Variants in RPL9 observed in about 807,000 individuals in gnomAD.
The protein encoded by RPL9 is large ribosomal subunit protein uL6.
For missense variants in RPL9, 149 were observed against 236.7 expected, an observed-to-expected ratio of 0.63 and a Z score of 2.43; for synonymous variants, 82 against 77.1, an observed-to-expected ratio of 1.06 and a Z score of -0.33.
intron 4 of RPL9, 153 bp downstream of exon 4, chr4:39,457,433 A>G (rs1744146279): frequency 1.6e-6 from 1 of 631,646 alleles, no homozygotes; most frequent in African/African-American, 1.8e-5. Flanking sequence ...CTATCGCTTA[A>G]AGACCCACAG....
At chr4:39,457,363 A>AAC (rs1553933091) in intron 4 of RPL9, 20 of 410,574 alleles carry the variant, frequency 4.9e-5, no homozygotes, top group South Asian at 1.4e-4. Context: ...TAAAAAAAAA[A>AAC]AAAACCCAAC....
chr4:39,458,290 T>A lies in RPL9; in HGVS notation c.66A>T (p.Gly22=). 8 of 1,614,082 alleles carry A rather than the reference T, an allele frequency of 5.0e-6. No homozygotes were observed. The highest frequency in any genetic ancestry group is 6.8e-6 in the Non-Finnish European group (8 of 1,180,006). ...IPENVDITLK[G]RTVIVKGPRG... is the part of the protein sequence containing the mutation. ...TGGGGCCCTTCACGATAACTGTGCG[T>A]CCCTTCAGAGTAATGTCGACTAGAA... The change falls in exon 3 of 8, where the codon GGA becomes GGT. Residue 22 remains glycine, a synonymous_variant. Coordinates refer to ENST00000295955, the MANE Select transcript of RPL9 (RefSeq NM_000661.5).
intron 7 of RPL9, 61 bp from the exon 8 acceptor site, chr4:39,454,286 A>C (rs1744001639): frequency 6.4e-6 from 2 of 313,140 alleles, no homozygotes; most frequent in Admixed American, 9.1e-5. Context: ...GGAAAGTACT[A>C]ATCTTTTTTC....
intron 3 of RPL9, 149 bp downstream of exon 3, chr4:39,458,045 A>G: frequency 2.4e-6 from 2 of 837,092 alleles, no homozygotes; most frequent in South Asian, 2.9e-5. Context: ...TGGTTTTTCA[A>G]TTTCACTGAA....
chr4:39,458,505 C>A lies in RPL9; in HGVS notation c.-1-65G>T. ...CGTTTTTCCACCAAACTACGCCGCACAGAGCTCCACTCCTACTGGAGACTG... is the reference window on the plus strand; with the variant it reads ...CGTTTTTCCACCAAACTACGCCGCAAAGAGCTCCACTCCTACTGGAGACTG... On this transcript the variant is annotated intron_variant, in intron 1 of 7. Transcript: ENST00000295955. 2.6e-6 allele frequency: 4 copies of A among 1,534,324 alleles called. No individual in the cohort carries two copies. The South Asian group carries it at 3.4e-5, about 13-fold the overall frequency.
Position 39,458,241 on chromosome 4 carries a change from T to C in RPL9, c.115A>G (p.Asn39Asp), listed in dbSNP as rs1259696064. ...AGGCTGAGTTCTACATTGATGTGAT[T>C]GAAGTCCCTCCGCAGGGTTCCTCTG... ...GPRGTLRRDF[N>D]HINVELSLLG... Residue 39 changes from asparagine to aspartate, a missense_variant, in exon 3 of 8, where the codon AAT becomes GAT. By Grantham distance (23) the Asn-to-Asp change is conservative. Transcript: ENST00000295955. 6.2e-7 allele frequency: 1 copy of C among 1,614,188 alleles called. No individual in the cohort carries two copies. Among genetic ancestry groups the C allele is most frequent in the Non-Finnish European group, 8.5e-7 (1 of 1,180,032 alleles).
At chr4:39,456,571 T>G (rs1038394578) in intron 4 of RPL9, 33 bp from the exon 5 acceptor site, 2 of 1,602,668 alleles carry the variant, frequency 1.2e-6, no homozygotes, top group Non-Finnish European at 1.7e-6. Context: ...CTATTAGCAA[T>G]GCTGAGGAAT....
At chr4:39,458,103 T>G in intron 3 of RPL9, 91 bp downstream of exon 3, 1 of 1,275,038 alleles carries the variant, frequency 7.8e-7, no homozygotes, top group South Asian at 1.3e-5. Context: ...GCACTGAACC[T>G]TAATTCGAAA....
chr4:39,457,353 TA>T (rs60817258), intron 4 of RPL9: 7,868 of 300,410 alleles, frequency 0.026, 44 homozygotes, highest in African/African-American at 0.051. Context: ...CAGCCTTGAT[TA>T]AAAAAAAAAA....
intron 4 of RPL9, 22 bp downstream of exon 4, chr4:39,457,564 G>A (rs1303564339): frequency 1.9e-6 from 3 of 1,589,460 alleles, no homozygotes; most frequent in South Asian, 1.1e-5. Context: ...CCAAAACAAG[G>A]AAGTCTGATA....
Position 39,458,266 on chromosome 4 carries a change from G to A in RPL9, c.90C>T (p.Pro30=). The A allele has an allele frequency of 3.1e-6, 5 of 1,614,136 alleles. No homozygotes were observed. Among genetic ancestry groups the A allele is most frequent in the Non-Finnish European group, 4.2e-6 (5 of 1,180,022 alleles). The change falls in exon 3 of 8, where the codon CCC becomes CCT. Residue 30 remains proline (P), a synonymous_variant. Coordinates refer to ENST00000295955, the MANE Select transcript of RPL9 (RefSeq NM_000661.5). ...LKGRTVIVKG[P]RGTLRRDFNH... ...TGAAGTCCCTCCGCAGGGTTCCTCT[G>A]GGGCCCTTCACGATAACTGTGCGTC... is the stretch of plus-strand genomic sequence containing the variant.
intron 5 of RPL9, 28 bp downstream of exon 5, chr4:39,456,378 T>C (rs1384884706): frequency 1.9e-6 from 3 of 1,613,830 alleles, no homozygotes; most frequent in South Asian, 2.2e-5. Flanking sequence ...GAAAAATTTC[T>C]TAATTCTGTC....
In RPL9 at chr4:39,455,130, A is replaced by G. The variant is rs1744035623; in HGVS notation, c.392-186T>C. ...TTTGGGAGGCCGAGGCGGGCGGATC[A>G]TGAGGTCAGGAGATCGAAACCATCC... On this transcript the variant is annotated intron_variant, in intron 5 of 7. Coordinates refer to ENST00000295955, the MANE Select transcript of RPL9 (RefSeq NM_000661.5). The G allele has an allele frequency of 1.1e-5, 6 of 550,742 alleles. 1 individual carries two copies. Among genetic ancestry groups the G allele is most frequent in the South Asian group, 8.9e-5 (4 of 45,136 alleles). The allele number at this position is 550,742 out of a possible 1,614,324, so 34.1% of individuals were successfully genotyped here. A position where few individuals can be genotyped will look rare whatever the true frequency, so the allele number is the denominator to read the frequency against.
chr4:39,454,625 G>C lies in RPL9; in HGVS notation c.497C>G (p.Thr166Arg). Residue 166 changes from threonine to arginine, a missense_variant, in exon 7 of 8, where the codon ACA becomes AGA. Thr to Arg is a moderately conservative substitution (Grantham distance 71, BLOSUM62 -1). Coordinates refer to ENST00000295955, the MANE Select transcript of RPL9 (RefSeq NM_000661.5). ...TTTCCTGATATCCTTGTTTTTAACTGTTGTGGCTTGCTGAATCAAAGCCGC... is the reference window on the plus strand; with the variant it reads ...TTTCCTGATATCCTTGTTTTTAACTCTTGTGGCTTGCTGAATCAAAGCCGC... ...NSAALIQQAT[T>R]VKNKDIRKFL... 1 of 1,612,836 alleles carries C rather than the reference G, an allele frequency of 6.2e-7. No homozygotes were observed. The highest frequency in any genetic ancestry group is 8.5e-7 in the Non-Finnish European group (1 of 1,179,514).
rs1429996864 is a variant in RPL9 at position 39,454,615 on chromosome 4, G to A, written c.507C>T (p.Asn169=). 1.2e-6 allele frequency: 2 copies of A among 1,613,218 alleles called. No homozygotes were observed. Among genetic ancestry groups the A allele is most frequent in the Non-Finnish European group, 1.7e-6 (2 of 1,179,646 alleles). ...CATCCAAAAATTTCCTGATATCCTT[G>A]TTTTTAACTGTTGTGGCTTGCTGAA... is the stretch of plus-strand genomic sequence containing the variant. ...ALIQQATTVK[N]KDIRKFLDGI... is the part of the protein sequence containing the mutation. The change falls in exon 7 of 8, where the codon AAC becomes AAT. Residue 169 remains asparagine (N), a synonymous_variant. Coordinates refer to ENST00000295955, the MANE Select transcript of RPL9 (RefSeq NM_000661.5).
chr4:39,455,852 T>A, intron 5 of RPL9: 1 of 179,322 alleles, frequency 5.6e-6, no homozygotes, highest in Non-Finnish European at 1.2e-5. Context: ...TTTTTCAACT[T>A]TAACTCATTT....
At chr4:39,458,532 C>G (rs1418829252) in intron 1 of RPL9, 92 bp from the exon 2 acceptor site, 3 of 1,379,360 alleles carry the variant, frequency 2.2e-6, no homozygotes, top group South Asian at 1.3e-5. Flanking sequence ...TGGAGACTGC[C>G]AGGCGGAAGT....
intron 1 of RPL9, 115 bp from the exon 2 acceptor site, chr4:39,458,555 G>A (rs1744230342): frequency 8.8e-7 from 1 of 1,132,130 alleles, no homozygotes; most frequent in African/African-American, 1.6e-5. Flanking sequence ...CAGACAAGAT[G>A]TCGGAGGACG....
chr4:39,456,390 G>A lies in RPL9; in HGVS notation c.391+16C>T. On this transcript the variant is annotated intron_variant, in intron 5 of 7. Coordinates refer to ENST00000295955, the MANE Select transcript of RPL9 (RefSeq NM_000661.5). Reference sequence around the variant, plus strand: ...AAGGAAAAATTTCTTAATTCTGTCTGAGGGTATGCACATACCTGGTCTCAT... The same window carrying A: ...AAGGAAAAATTTCTTAATTCTGTCTAAGGGTATGCACATACCTGGTCTCAT... 6.2e-7 allele frequency: 1 copy of A among 1,613,916 alleles called. No individual in the cohort carries two copies. The highest frequency in any genetic ancestry group is 1.1e-5 in the South Asian group (1 of 91,074).
Sources: gnomAD v4.1 joint callset for allele counts on GRCh38, gnomAD v4.1.1 for gene constraint, MANE v1.5 for transcripts, NCBI Gene and HGNC (gene_info 2026-07-23, HGNC 2026-07-21) for gene names.